Variants in RIMS1 observed in about 807,000 individuals in gnomAD.
RIMS1 encodes regulating synaptic membrane exocytosis 1.
A neutral mutation model predicts 214.1 loss-of-function variants in RIMS1; 83 were observed. The observed-to-expected ratio is 0.39, with a 90% CI of 0.32 to 0.47. The LOEUF (loss-of-function observed/expected upper bound fraction) is 0.47, where lower values mean the gene tolerates loss of function less well. Ranked by LOEUF, RIMS1 falls within the 20% of genes least tolerant of loss-of-function variation. The probability of loss-of-function intolerance (pLI) is 0.99; values close to 1 mark genes in which losing one functional copy is unlikely to be tolerated. For synonymous variants in RIMS1, 793 were observed against 786.8 expected (o/e 1.01, Z -0.13); for missense variants, 2,050 against 2,161.8 (o/e 0.95, Z 1.03).
chr6:72,180,441 T>C (rs984943167), intron 5 of RIMS1, among the ~76,000 whole-genome samples: 1 of 152,160 alleles, frequency 6.6e-6, no homozygotes, highest in Admixed American at 6.5e-5. Context: ...GAGGGCCTCC[T>C]AAAGGATAGC....
At chr6:72,068,626 G>A (rs972968420) in intron 2 of RIMS1, among the ~76,000 whole-genome samples, 7 of 152,114 alleles carry the variant, frequency 4.6e-5, no homozygotes, top group Non-Finnish European at 8.8e-5. Flanking sequence ...TGCCCAATAG[G>A]AATTTATGAG....
Position 72,395,536 on chromosome 6 carries a change from T to G in RIMS1, c.4619-2713T>G, listed in dbSNP as rs992195135. 8.5e-5 allele frequency among the ~76,000 whole-genome samples: 13 copies of G among 152,130 alleles called. No homozygotes were observed. In the East Asian group the frequency reaches 1.4e-3, roughly 16 times the overall value. ...GAGTTACCAGCAGTTTAGACAGAGT[T>G]GAGGAGAGAATTGGTTAATGGTTAA... is the stretch of plus-strand genomic sequence containing the variant. On this transcript the variant is annotated intron_variant, in intron 31 of 33. Coordinates refer to ENST00000521978, the MANE Select transcript of RIMS1 (RefSeq NM_014989.7).
intron 2 of RIMS1, among the ~76,000 whole-genome samples, chr6:72,012,256 C>T (rs927404763): frequency 6.6e-6 from 1 of 152,048 alleles, no homozygotes; most frequent in African/African-American, 2.4e-5. Flanking sequence ...CGCATGTTGT[C>T]ACTCATAGGT....
At chr6:71,941,386 A>G (rs1561930809) in intron 1 of RIMS1, among the ~76,000 whole-genome samples, 1 of 152,208 alleles carries the variant, frequency 6.6e-6, no homozygotes, top group Non-Finnish European at 1.5e-5. Context: ...TGGAATATCC[A>G]TTATCACCTG....
rs115448599 is a variant in RIMS1 at position 72,287,942 on chromosome 6, A to C, written c.3555-2737A>C. On this transcript the variant is annotated intron_variant, in intron 24 of 33. Coordinates refer to ENST00000521978, the MANE Select transcript of RIMS1 (RefSeq NM_014989.7). ...TACATAATAGAGTAGGTATTTGTTA[A>C]ATACCATTGTCCATATATTTTGATT... 8.1e-3 allele frequency among the ~76,000 whole-genome samples: 1,231 copies of C among 152,278 alleles called. 18 individuals are homozygous for C. The highest frequency in any genetic ancestry group is 0.029 in the African/African-American group (1,196 of 41,546).
intron 2 of RIMS1, among the ~76,000 whole-genome samples, chr6:72,024,957 G>T (rs1189042860): frequency 7.1e-6 from 1 of 141,296 alleles, no homozygotes; most frequent in Non-Finnish European, 1.5e-5. Context: ...AGCCTGGAGT[G>T]CAATGGCACT....
intron 2 of RIMS1, among the ~76,000 whole-genome samples, chr6:72,074,027 A>G (rs1831191628): frequency 6.6e-6 from 1 of 152,216 alleles, no homozygotes; most frequent in Non-Finnish European, 1.5e-5. Context: ...TTTATGATAT[A>G]TGCTTAAAAA....
intron 29 of RIMS1, among the ~76,000 whole-genome samples, chr6:72,371,142 A>G (rs976843726): frequency 1.3e-5 from 2 of 152,032 alleles, no homozygotes; most frequent in Non-Finnish European, 2.9e-5. Flanking sequence ...CTGTGTCTGT[A>G]TGTGTATGTA....
chr6:72,371,531 AT>A (rs2098220484), intron 29 of RIMS1, among the ~76,000 whole-genome samples: 1 of 152,182 alleles, frequency 6.6e-6, no homozygotes, highest in South Asian at 2.1e-4. Context: ...GTTTATTTGC[AT>A]ATGTAGTTGA....
intron 1 of RIMS1, among the ~76,000 whole-genome samples, chr6:71,905,229 A>G (rs1774913329): frequency 6.6e-6 from 1 of 151,954 alleles, no homozygotes; most frequent in Admixed American, 6.6e-5. Context: ...GATCTATTCC[A>G]TAATTTAGTC....
chr6:72,369,959 G>A (rs2098163616), intron 29 of RIMS1, among the ~76,000 whole-genome samples: 1 of 152,208 alleles, frequency 6.6e-6, no homozygotes, highest in African/African-American at 2.4e-5. Flanking sequence ...CTCAGAGAAG[G>A]CTGTAGAACT....
chr6:72,149,199 T>G (rs550933857), intron 4 of RIMS1, among the ~76,000 whole-genome samples: 1 of 152,328 alleles, frequency 6.6e-6, no homozygotes, highest in South Asian at 2.1e-4. Flanking sequence ...GAAACTGCAT[T>G]TCTTATGACT....
intron 1 of RIMS1, among the ~76,000 whole-genome samples, chr6:71,941,772 C>A (rs1786226781): frequency 6.6e-6 from 1 of 152,156 alleles, no homozygotes; most frequent in Admixed American, 6.5e-5. Flanking sequence ...TTTCGTGGGA[C>A]ATTATCTTTC....
At chr6:72,039,523 C>G (rs781173295) in intron 2 of RIMS1, among the ~76,000 whole-genome samples, 1 of 151,950 alleles carries the variant, frequency 6.6e-6, no homozygotes, top group Admixed American at 6.6e-5. Flanking sequence ...GCAGGTGAGC[C>G]ATATTGTTAA....
At chr6:72,011,649 C>A (rs975075002) in intron 2 of RIMS1, among the ~76,000 whole-genome samples, 2 of 151,950 alleles carry the variant, frequency 1.3e-5, no homozygotes, top group Non-Finnish European at 2.9e-5. Flanking sequence ...AACAAACAAC[C>A]CCATGAAAAA....
At chr6:72,379,316 A>T (rs1409909513) in intron 29 of RIMS1, among the ~76,000 whole-genome samples, 2 of 152,212 alleles carry the variant, frequency 1.3e-5, no homozygotes, top group Admixed American at 1.3e-4. Flanking sequence ...CCTATCCTAG[A>T]CCCAAAGTAG....
At chr6:72,001,347 C>T (rs17568677) in intron 2 of RIMS1, among the ~76,000 whole-genome samples, 17,473 of 152,176 alleles carry the variant, frequency 0.11, 1,197 homozygotes, top group South Asian at 0.17. Context: ...TATGAAAAAA[C>T]GTTACTCAGA....
chr6:72,194,227 A>T (rs1171211601), intron 6 of RIMS1, among the ~76,000 whole-genome samples: 1 of 152,158 alleles, frequency 6.6e-6, no homozygotes, highest in Non-Finnish European at 1.5e-5. Context: ...TTCTTCACAG[A>T]ATTAGATTTG....
rs554249236 is a variant in RIMS1, at chr6:72,182,510, A to G, written c.1039A>G (p.Lys347Glu). ...AGCGGCGGATGAGGAAAAGCAAAGA[A>G]AAGAGGAGGATTATCAGACCAGGTA... The part of the protein sequence containing the change: ...GKAADEEKQR[K>E]EEDYQTRYRS... Residue 347 changes from lysine (K) to glutamate (E), a missense_variant, in exon 6 of 34, where the codon AAA (lysine) becomes GAA (glutamate). This residue lies in a region of RIMS1 where 882 missense variants were observed against 828.9 expected (regional missense o/e 1.06). Transcript: ENST00000521978. The G allele has an allele frequency of 6.3e-7, 1 of 1,593,826 alleles. No individual in the cohort carries two copies. Among genetic ancestry groups the G allele is most frequent in the South Asian group, 1.1e-5 (1 of 88,510 alleles).
Sources: allele counts gnomAD v4.1 joint callset (sites outside exome capture counted in the v4.1 genomes callset), GRCh38; gene constraint gnomAD v4.1.1; regional missense constraint gnomAD v4.1.1; transcripts MANE v1.5; gene names NCBI Gene and HGNC (gene_info 2026-07-23, HGNC 2026-07-21).